The following AHCY variants were observed in gnomAD, a reference collection of about 807,000 sequenced individuals.
The protein encoded by AHCY is adenosylhomocysteinase.
In AHCY, 24 loss-of-function variants were observed where a neutral mutation model predicts 45.4. The ratio of observed to expected loss-of-function variants is 0.53; its 90% confidence interval spans 0.38 to 0.74. AHCY has a LOEUF of 0.74. Among genes scored for constraint, AHCY ranks in the 30% least tolerant of loss-of-function variants. The pLI is 0.00. For missense variants in AHCY, 449 were observed against 594.1 expected, an observed-to-expected ratio of 0.76 and a Z score of 2.54; for synonymous variants, 245 against 235.1, an observed-to-expected ratio of 1.04 and a Z score of -0.39.
upstream of AHCY, chr20:34,303,481 G>A (rs1288086829): frequency 5.4e-6 from 4 of 736,494 alleles, no homozygotes; most frequent in Non-Finnish European, 9.1e-6. Flanking sequence ...AGAAGCCTCA[G>A]AATTTCACAA....
the AHCY span, among the ~76,000 whole-genome samples, chr20:34,241,328 C>T: frequency 2.6e-5 from 4 of 152,310 alleles, no homozygotes; most frequent in Non-Finnish European, 5.9e-5. Context: ...CTGAAAGAAC[C>T]TTCCTGCCTG....
chr20:34,301,789 T>C (rs1175893991), intron 1 of AHCY: 9 of 984,832 alleles, frequency 9.1e-6, no homozygotes, highest in African/African-American at 1.7e-5. Flanking sequence ...ATCCACACAA[T>C]GGAGACAGTC....
the AHCY span, among the ~76,000 whole-genome samples, chr20:34,256,467 A>AT: frequency 2.0e-5 from 3 of 152,146 alleles, no homozygotes; most frequent in Non-Finnish European, 2.9e-5. Context: ...CACCCGGCTA[A>AT]TTTTTTAAAA....
the AHCY span, among the ~76,000 whole-genome samples, chr20:34,253,084 G>A: frequency 6.6e-6 from 1 of 152,018 alleles, no homozygotes; most frequent in Non-Finnish European, 1.5e-5. Context: ...CATAGACACA[G>A]TAACAACCTG....
the AHCY span, among the ~76,000 whole-genome samples, chr20:34,242,390 G>C: frequency 1.1e-4 from 16 of 151,924 alleles, no homozygotes; most frequent in African/African-American, 3.9e-4. Flanking sequence ...ACACCACCAC[G>C]CCTGGCTAAT....
chr20:34,300,093 G>T (rs1428900579), intron 1 of AHCY, among the ~76,000 whole-genome samples: 1 of 152,182 alleles, frequency 6.6e-6, no homozygotes, highest in African/African-American at 2.4e-5. Context: ...GCTGAGGCAG[G>T]AGAATTGCTT....
chr20:34,273,939 C>G, the AHCY span, among the ~76,000 whole-genome samples: 1 of 152,026 alleles, frequency 6.6e-6, no homozygotes, highest in Non-Finnish European at 1.5e-5. Context: ...GCTCTCCCAG[C>G]TGGATATACG....
At chr20:34,256,411 CAT>C in the AHCY span, among the ~76,000 whole-genome samples, 9 of 152,176 alleles carry the variant, frequency 5.9e-5, no homozygotes, top group Admixed American at 1.3e-4. Flanking sequence ...CGTCTCCACA[CAT>C]GAGGAGAAAA....
chr20:34,307,744 T>G (rs181831413), upstream of AHCY, among the ~76,000 whole-genome samples: 17 of 152,348 alleles, frequency 1.1e-4, no homozygotes, highest in East Asian at 3.1e-3. Context: ...CAAATGATAA[T>G]GTTCATTGTT....
downstream of AHCY, among the ~76,000 whole-genome samples, chr20:34,279,846 G>A (rs144888734): frequency 0.011 from 1,707 of 152,058 alleles, 18 homozygotes; most frequent in Middle Eastern, 0.027. Context: ...GCAAACAGCC[G>A]GGCACAGTGG....
chr20:34,292,564 G>A, intron 3 of AHCY, 57 bp from the exon 4 acceptor site: 3 of 1,611,702 alleles, frequency 1.9e-6, no homozygotes, highest in Non-Finnish European at 2.5e-6. Context: ...CTGCTCCAGG[G>A]AACAACTCTG....
chr20:34,254,894 A>G, the AHCY span, among the ~76,000 whole-genome samples: 1 of 152,158 alleles, frequency 6.6e-6, no homozygotes, highest in South Asian at 2.1e-4. Context: ...GATTTACTCC[A>G]CTGAGACTTT....
rs7273572 is a variant in AHCY, at chr20:34,291,678, G to A, written c.446-147C>T. 23,923 of 758,470 alleles carry A rather than the reference G, an allele frequency of 0.032. 4,040 individuals carry two copies. In the African/African-American group the frequency reaches 0.36, roughly 12 times the overall value. 47.0% of individuals were successfully genotyped at this position (758,470 alleles called of 1,614,324 possible). A position where few individuals can be genotyped will look rare whatever the true frequency, so the allele number is the denominator to read the frequency against. ...AGGCCCCCCAATCACCCAGACCCGC[G>A]TGAGGGAGGAGTCCCCAACGCCCTC... On this transcript the variant is annotated intron_variant, in intron 4 of 9. Transcript: ENST00000217426.
In AHCY at chr20:34,280,851, C is replaced by T. The variant is rs1332083182; in HGVS notation, c.*183G>A. ...GGGGCTTGAAGAGGGTACTCTGTTC[C>T]CGCTGCCACATTTGGAACAGTATGA... On this transcript the variant is annotated 3_prime_UTR_variant, in exon 10 of 10. Transcript: ENST00000217426. The T allele has an allele frequency of 2.2e-6, 2 of 893,682 alleles. No homozygotes were observed. Among genetic ancestry groups the T allele is most frequent in the African/African-American group, 1.7e-5 (1 of 60,304 alleles). The allele number at this position is 893,682 out of a possible 1,614,324, so 55.4% of individuals were successfully genotyped here.
intron 8 of AHCY, among the ~76,000 whole-genome samples, chr20:34,289,010 A>C: frequency 6.6e-6 from 1 of 151,810 alleles, no homozygotes. Flanking sequence ...TTTTGTTTTT[A>C]GTTTTGTTTT....
the AHCY span, among the ~76,000 whole-genome samples, chr20:34,269,980 CAAGAAAA>C: frequency 3.2e-5 from 2 of 62,902 alleles, no homozygotes; most frequent in Non-Finnish European, 6.4e-5. Flanking sequence ...AAAAAAAAAA[CAAGAAAA>C]AAGAAAGAAA....
chr20:34,244,132 T>G, the AHCY span, among the ~76,000 whole-genome samples: 1 of 152,202 alleles, frequency 6.6e-6, no homozygotes, highest in African/African-American at 2.4e-5. Flanking sequence ...AACCATGGTT[T>G]TGTGGGCTCT....
At chr20:34,235,786 G>GAAGAAAGAAAGA in the AHCY span, among the ~76,000 whole-genome samples, 174 of 61,374 alleles carry the variant, frequency 2.8e-3, 7 homozygotes, top group Non-Finnish European at 4.2e-3. Flanking sequence ...CTCTGAGAAA[G>GAAGAAAGAAAGA]AAGAAAGAAA....
At chr20:34,247,597 G>A in the AHCY span, among the ~76,000 whole-genome samples, 1 of 151,660 alleles carries the variant, frequency 6.6e-6, no homozygotes, top group Admixed American at 6.6e-5. Context: ...GTACCCTGCT[G>A]ATGCTTTTTC....
Sources: allele counts gnomAD v4.1 joint callset (sites outside exome capture counted in the v4.1 genomes callset), GRCh38; gene constraint gnomAD v4.1.1; transcripts MANE v1.5; gene names NCBI Gene and HGNC (gene_info 2026-07-23, HGNC 2026-07-21).